Variants in PCDH7 observed in about 807,000 individuals in gnomAD.
PCDH7 encodes protocadherin-7.
Under a neutral mutation model 58.9 loss-of-function variants are expected in PCDH7, and 17 were observed. That is an observed-to-expected ratio of 0.29 (90% CI 0.20 to 0.43). PCDH7 has a LOEUF of 0.43. Among genes scored for constraint, PCDH7 ranks in the 20% least tolerant of loss-of-function variants. The pLI, the probability that PCDH7 is intolerant of heterozygous loss-of-function variation, is 1.00. For synonymous variants in PCDH7, 664 were observed against 616.4 expected (o/e 1.08, Z -1.14); for missense variants, 1,274 against 1,441.0 (o/e 0.88, Z 1.88).
At chr4:30,894,508 TATATATATACAC>T (rs1481010315) in intron 1 of PCDH7, among the ~76,000 whole-genome samples, 77 of 49,114 alleles carry the variant, frequency 1.6e-3, no homozygotes, top group African/African-American at 7.5e-3. Flanking sequence ...TATATATATA[TATATATATACAC>T]ACACACACAC....
At chr4:31,055,674 T>G (rs186617283) in intron 3 of PCDH7, among the ~76,000 whole-genome samples, 1 of 152,190 alleles carries the variant, frequency 6.6e-6, no homozygotes, top group East Asian at 1.9e-4. Flanking sequence ...CCTCACGGGT[T>G]CAAGTGATTC....
intron 1 of PCDH7, among the ~76,000 whole-genome samples, chr4:30,779,156 G>T (rs1722470276): frequency 6.6e-6 from 1 of 151,748 alleles, no homozygotes; most frequent in Admixed American, 6.6e-5. Flanking sequence ...GAGTAGCTGG[G>T]ATTATTACAG....
chr4:31,110,337 C>A (rs1241252609), intron 3 of PCDH7, among the ~76,000 whole-genome samples: 1 of 152,188 alleles, frequency 6.6e-6, no homozygotes, highest in Non-Finnish European at 1.5e-5. Flanking sequence ...AATAAAATAT[C>A]TCATAACCTC....
chr4:30,962,786 A>C (rs1013307214), intron 3 of PCDH7, among the ~76,000 whole-genome samples: 9 of 150,492 alleles, frequency 6.0e-5, no homozygotes, highest in Admixed American at 2.0e-4. Context: ...TAAAAAAAAA[A>C]AAAAAAAAAA....
Position 30,903,510 on chromosome 4 carries a change from C to A in PCDH7, c.71-16643C>A, listed in dbSNP as rs541760031. Among the ~76,000 whole-genome samples, 21 of 152,120 alleles carry A rather than the reference C, an allele frequency of 1.4e-4. No homozygotes were observed. In the East Asian group the frequency reaches 2.5e-3, roughly 18 times the overall value. On this transcript the variant is annotated intron_variant, in intron 1 of 3. Transcript: ENST00000509759. The stretch of plus-strand genomic sequence containing the variant: ...CCCTAAAATCTTCATCCTGTGGACA[C>A]AATTCTGGGCTTAATTCAGTCATTT...
intron 1 of PCDH7, among the ~76,000 whole-genome samples, chr4:30,823,855 C>A (rs1728680993): frequency 6.6e-6 from 1 of 152,102 alleles, no homozygotes. Context: ...TTTCCAATTT[C>A]TCTAATTTTA....
chr4:30,828,560 T>C (rs1348040087), intron 1 of PCDH7, among the ~76,000 whole-genome samples: 1 of 151,264 alleles, frequency 6.6e-6, no homozygotes, highest in Non-Finnish European at 1.5e-5. Flanking sequence ...ATTAGAGTGA[T>C]ACCAAAAAAA....
At chr4:31,041,575 AC>A (rs1331577571) in intron 3 of PCDH7, among the ~76,000 whole-genome samples, 6 of 151,550 alleles carry the variant, frequency 4.0e-5, no homozygotes, top group Non-Finnish European at 8.8e-5. Context: ...AGTTAAAGTT[AC>A]CCCCCACCCC....
chr4:30,893,454 T>C (rs1279965622), intron 1 of PCDH7, among the ~76,000 whole-genome samples: 1 of 152,122 alleles, frequency 6.6e-6, no homozygotes, highest in Non-Finnish European at 1.5e-5. Flanking sequence ...CAGTATTCAA[T>C]ATACTGCTAT....
intron 3 of PCDH7, among the ~76,000 whole-genome samples, chr4:31,077,107 A>G (rs992982714): frequency 1.3e-5 from 2 of 152,164 alleles, no homozygotes; most frequent in African/African-American, 4.8e-5. Context: ...ATCTGATGGT[A>G]TTATGCATAT....
chr4:30,875,756 T>C (rs149213882), intron 1 of PCDH7, among the ~76,000 whole-genome samples: 24 of 152,086 alleles, frequency 1.6e-4, no homozygotes, highest in Admixed American at 1.1e-3. Context: ...AGGTTCTTAG[T>C]TAAATAAGTG....
rs765782119 is a variant in PCDH7 at position 30,920,808 on chromosome 4, G to A, written c.287+439G>A. 5.3e-4 allele frequency among the ~76,000 whole-genome samples: 81 copies of A among 152,136 alleles called. 1 individual carries two copies. The highest frequency in any genetic ancestry group is 9.8e-4 in the Non-Finnish European group (67 of 68,022). On this transcript the variant is annotated intron_variant, in intron 2 of 3. Coordinates refer to the PCDH7 transcript ENST00000509759. ...TGCTCTACCTTTTCTTGTCCTAGATGTTTAGAAAAGCATTTTCAAACCTCT... is the reference window on the plus strand; with the variant it reads ...TGCTCTACCTTTTCTTGTCCTAGATATTTAGAAAAGCATTTTCAAACCTCT...
At chr4:30,776,857 TG>T (rs900727513) in intron 1 of PCDH7, among the ~76,000 whole-genome samples, 34 of 62,484 alleles carry the variant, frequency 5.4e-4, no homozygotes, top group Admixed American at 3.6e-3. Flanking sequence ...TTTTGATATG[TG>T]GTGTGTGTGT....
chr4:30,978,218 T>G (rs1440813664), intron 3 of PCDH7, among the ~76,000 whole-genome samples: 1 of 152,220 alleles, frequency 6.6e-6, no homozygotes, highest in Non-Finnish European at 1.5e-5. Context: ...ATATCCAGGA[T>G]AAATGATTTT....
chr4:30,913,959 C>G (rs1434771498), intron 1 of PCDH7, among the ~76,000 whole-genome samples: 2 of 152,084 alleles, frequency 1.3e-5, no homozygotes, highest in Admixed American at 6.6e-5. Context: ...TAGTTTCATT[C>G]AGAAATGATC....
At chr4:30,942,453 T>A (rs1398505182) in intron 2 of PCDH7, among the ~76,000 whole-genome samples, 1 of 152,012 alleles carries the variant, frequency 6.6e-6, no homozygotes, top group Non-Finnish European at 1.5e-5. Flanking sequence ...GTGTCCTAAT[T>A]GGCAGAACTA....
chr4:31,046,811 A>AT (rs1354573184), intron 3 of PCDH7, among the ~76,000 whole-genome samples: 1 of 151,966 alleles, frequency 6.6e-6, no homozygotes, highest in Admixed American at 6.6e-5. Context: ...AGGTTTGGAG[A>AT]TTTTTTGCAA....
intron 2 of PCDH7, among the ~76,000 whole-genome samples, chr4:30,937,900 C>T (rs1031438720): frequency 7.3e-5 from 11 of 151,546 alleles, no homozygotes; most frequent in African/African-American, 2.7e-4. Flanking sequence ...CTGTTTCCAC[C>T]GAGAAGATGG....
intron 1 of PCDH7, among the ~76,000 whole-genome samples, chr4:30,739,409 G>T (rs969601022): frequency 2.7e-5 from 4 of 148,300 alleles, no homozygotes; most frequent in African/African-American, 7.9e-5. Flanking sequence ...CTTGTTGAGG[G>T]AAATGGCAAT....
Sources: gnomAD v4.1 joint callset for allele counts (sites outside exome capture counted in the v4.1 genomes callset) on GRCh38, gnomAD v4.1.1 for gene constraint, MANE v1.5 for transcripts, NCBI Gene and HGNC (gene_info 2026-07-23, HGNC 2026-07-21) for gene names.